CNTN1: variants seen among roughly 807,000 people sequenced by gnomAD.
CNTN1 encodes contactin 1, also known as contactin-1.
Under a neutral mutation model 126.4 loss-of-function variants are expected in CNTN1, and 38 were observed. The ratio of observed to expected loss-of-function variants is 0.30; its 90% confidence interval spans 0.23 to 0.39. CNTN1 has a LOEUF of 0.39. Among genes scored for constraint, CNTN1 ranks in the 10% least tolerant of loss-of-function variants. The probability of loss-of-function intolerance (pLI) is 1.00; values close to 1 mark genes in which losing one functional copy is unlikely to be tolerated. For missense variants in CNTN1, 1,009 were observed against 1,248.4 expected (o/e 0.81, Z 2.89); for synonymous variants, 413 against 422.6 (o/e 0.98, Z 0.28).
chr12:40,698,772 C>T (rs1941518986), intron 1 of CNTN1, among the ~76,000 whole-genome samples: 1 of 152,058 alleles, frequency 6.6e-6, no homozygotes, highest in Non-Finnish European at 1.5e-5. Context: ...AAGTCTTTTG[C>T]ATTGCACCTA....
At chr12:40,725,174 G>T (rs534181823) in intron 1 of CNTN1, among the ~76,000 whole-genome samples, 1 of 152,060 alleles carries the variant, frequency 6.6e-6, no homozygotes, top group South Asian at 2.1e-4. Flanking sequence ...GGCCAAGGCC[G>T]GTGGATCACC....
At chr12:40,862,797 C>A (rs898876881) in intron 1 of CNTN1, among the ~76,000 whole-genome samples, 1 of 152,156 alleles carries the variant, frequency 6.6e-6, no homozygotes, top group African/African-American at 2.4e-5. Context: ...TGCCTTAATA[C>A]CAAGCTACAT....
At chr12:40,962,021 G>A (rs1463528355) in intron 15 of CNTN1, among the ~76,000 whole-genome samples, 1 of 152,112 alleles carries the variant, frequency 6.6e-6, no homozygotes, top group African/African-American at 2.4e-5. Flanking sequence ...GGTGCAATGA[G>A]AAGGACAGTA....
intron 1 of CNTN1, among the ~76,000 whole-genome samples, chr12:40,771,906 A>T (rs1227158569): frequency 6.6e-6 from 1 of 152,010 alleles, no homozygotes; most frequent in East Asian, 1.9e-4. Context: ...ATGCCGAGGG[A>T]AATACACACA....
At chr12:41,018,102 AT>A (rs199885905) in intron 19 of CNTN1, among the ~76,000 whole-genome samples, 120 of 131,664 alleles carry the variant, frequency 9.1e-4, no homozygotes, top group Middle Eastern at 3.9e-3. Context: ...AAAAAAAAAA[AT>A]AATAATAATA....
chr12:40,719,724 A>G (rs1338954676), intron 1 of CNTN1, among the ~76,000 whole-genome samples: 1 of 152,242 alleles, frequency 6.6e-6, no homozygotes, highest in African/African-American at 2.4e-5. Context: ...ATCTTAGACA[A>G]CGAAGCAAAT....
At chr12:40,736,374 A>G (rs78760511) in intron 1 of CNTN1, among the ~76,000 whole-genome samples, 1 of 152,040 alleles carries the variant, frequency 6.6e-6, no homozygotes, top group African/African-American at 2.4e-5. Flanking sequence ...TCTTAATAAT[A>G]TAAGTATAAG....
Position 40,933,878 on chromosome 12 carries a change from G to T in CNTN1, c.985G>T (p.Ala329Ser). Residue 329 changes from alanine to serine, a missense_variant and splice_region_variant, in exon 9 of 24, where the codon GCA becomes TCA. Physicochemically the swap from Ala to Ser is moderately conservative, Grantham distance 99. Transcript: ENST00000551295. ...ACATCAAGCAAGAATTTATGTTCAA[G>T]GTAGATACATTATTTTAATTTTGTA... ...DKHQARIYVQ[A>S]FPEWVEHIND... The T allele has an allele frequency of 3.1e-6, 5 of 1,607,406 alleles. No individual in the cohort carries two copies. Among genetic ancestry groups the T allele is most frequent in the Non-Finnish European group, 4.3e-6 (5 of 1,174,740 alleles).
At chr12:40,794,746 C>T (rs1592094696) in intron 1 of CNTN1, among the ~76,000 whole-genome samples, 1 of 151,912 alleles carries the variant, frequency 6.6e-6, no homozygotes, top group Non-Finnish European at 1.5e-5. Flanking sequence ...TAGTAGCTCC[C>T]ATTGGGAAGG....
At chr12:40,862,529 G>C (rs147502192) in intron 1 of CNTN1, among the ~76,000 whole-genome samples, 1 of 152,070 alleles carries the variant, frequency 6.6e-6, no homozygotes, top group African/African-American at 2.4e-5. Context: ...TTACTCGGTG[G>C]CTTTACAACT....
intron 11 of CNTN1, among the ~76,000 whole-genome samples, chr12:40,937,981 C>A (rs1946137668): frequency 6.6e-6 from 1 of 152,172 alleles, no homozygotes; most frequent in African/African-American, 2.4e-5. Context: ...ACTGAATGGA[C>A]ACTTTAAAAA....
chr12:41,060,979 A>G (rs1376053572), intron 23 of CNTN1, among the ~76,000 whole-genome samples: 1 of 152,194 alleles, frequency 6.6e-6, no homozygotes, highest in Non-Finnish European at 1.5e-5. Context: ...TTATGTAAGT[A>G]TTAGACTCCC....
chr12:40,727,661 T>C (rs1242597219), intron 1 of CNTN1, among the ~76,000 whole-genome samples: 1 of 152,148 alleles, frequency 6.6e-6, no homozygotes, highest in Non-Finnish European at 1.5e-5. Context: ...ATCAATCCTA[T>C]ATTAGGCCAT....
chr12:40,967,966 A>G (rs1947367185), intron 15 of CNTN1, among the ~76,000 whole-genome samples: 1 of 151,264 alleles, frequency 6.6e-6, no homozygotes. Context: ...ATGTCATATA[A>G]CATGTATTGA....
chr12:41,057,288 G>A (rs1027552834), intron 23 of CNTN1, among the ~76,000 whole-genome samples: 12 of 148,862 alleles, frequency 8.1e-5, no homozygotes, highest in African/African-American at 2.7e-4. Context: ...TCTAAAGAAA[G>A]AGCCATGTAT....
chr12:40,712,372 T>A (rs931353114), intron 1 of CNTN1, among the ~76,000 whole-genome samples: 2 of 152,170 alleles, frequency 1.3e-5, no homozygotes, highest in African/African-American at 4.8e-5. Flanking sequence ...GTAATAGTAG[T>A]GGATAGGAAC....
At chr12:40,853,707 G>A (rs1942801610) in intron 1 of CNTN1, among the ~76,000 whole-genome samples, 1 of 151,658 alleles carries the variant, frequency 6.6e-6, no homozygotes, top group African/African-American at 2.4e-5. Flanking sequence ...GGAAACTTGG[G>A]CAATAAAATA....
chr12:40,833,350 C>G (rs1209194809), intron 1 of CNTN1, among the ~76,000 whole-genome samples: 1 of 152,126 alleles, frequency 6.6e-6, no homozygotes, highest in East Asian at 1.9e-4. Flanking sequence ...CCCACCCCAG[C>G]CTCCCAAAGT....
At position 41,070,449 on chromosome 12, in the gene CNTN1, T is replaced by A. The variant is rs1157130847; in HGVS notation, c.*414T>A. The A allele has an allele frequency of 3.7e-6, 1 of 273,840 alleles. No individual in the cohort carries two copies. The highest frequency in any genetic ancestry group is 7.1e-6 in the Non-Finnish European group (1 of 140,126). The allele number at this position is 273,840 out of a possible 1,614,324, so 17.0% of individuals were successfully genotyped here. On this transcript the variant is annotated 3_prime_UTR_variant, in exon 24 of 24. Transcript: ENST00000551295. ...TAGAGATTGAAATGTTGGTTGTATG[T>A]GGTAAATGTAAGAGTAATACAGTCT...
Sources: allele counts gnomAD v4.1 joint callset (sites outside exome capture counted in the v4.1 genomes callset), GRCh38; gene constraint gnomAD v4.1.1; transcripts MANE v1.5; gene names NCBI Gene and HGNC (gene_info 2026-07-23, HGNC 2026-07-21).